The following MGST1 variants were observed in gnomAD, a reference collection of about 807,000 sequenced individuals.
The protein encoded by MGST1 is glutathione S-transferase 12.
Under a neutral mutation model 8.9 loss-of-function variants are expected in MGST1, and 5 were observed. That is an observed-to-expected ratio of 0.56 (90% CI 0.29 to 1.19). The LOEUF is 1.19. MGST1 is among the 50% of genes most tolerant of loss of function. MGST1 has a pLI of 0.08. For missense variants in MGST1, 182 were observed against 187.4 expected, an observed-to-expected ratio of 0.97 and a Z score of 0.17; for synonymous variants, 54 against 67.8, an observed-to-expected ratio of 0.80 and a Z score of 1.00.
At position 16,583,445 on chromosome 12, in the gene MGST1, A is replaced by T. The variant is rs552698131; in HGVS notation, n.483-6083A>T. Among the ~76,000 whole-genome samples the T allele has an allele frequency of 2.6e-5, 4 of 152,364 alleles. No homozygotes were observed. The South Asian group carries it at 8.3e-4, about 32-fold the overall frequency. ...CAGTCAAGTAATTGTAGAAAAGAAG[A>T]TACTAAAGACTGAAGAAAAACAAGT... On this transcript the variant is annotated intron_variant and non_coding_transcript_variant, in intron 4 of 4. Coordinates refer to the MGST1 transcript ENST00000538857.
At position 16,399,284 on chromosome 12, in the gene MGST1, C is replaced by G. The variant is rs531770705; in HGVS notation, n.778+15680C>G. ...GGCCAAAGTTCAGAAGTTACTTCCT[C>G]TTTTTCTTGGGGGGTGCAGAGCTGT... is the stretch of plus-strand genomic sequence containing the variant. On this transcript the variant is annotated intron_variant and non_coding_transcript_variant, in intron 1 of 1. Transcript: ENST00000359720. 4.0e-5 allele frequency: 64 copies of G among 1,605,466 alleles called. No individual in the cohort carries two copies. The African/African-American group carries it at 8.0e-4, about 20-fold the overall frequency.
chr12:16,511,026 G>T (rs969200119), intron 4 of MGST1, among the ~76,000 whole-genome samples: 2 of 152,162 alleles, frequency 1.3e-5, no homozygotes. Flanking sequence ...TTCTACAAAA[G>T]ATAGGCCTAG....
chr12:16,450,746 C>A (rs963190908), intron 4 of MGST1, among the ~76,000 whole-genome samples: 4 of 151,844 alleles, frequency 2.6e-5, no homozygotes, highest in Admixed American at 1.3e-4. Context: ...GCTTTTCCCC[C>A]TTTCTTGAGC....
In MGST1 at chr12:16,544,337, C is replaced by T. The variant is rs1022061168; in HGVS notation, n.483-45191C>T. On this transcript the variant is annotated intron_variant and non_coding_transcript_variant, in intron 4 of 4. Transcript: ENST00000538857. This position sits in a 1 kb window ranked among gnomAD's most constrained non-coding sequence, Gnocchi z 4.8. Reference sequence around the variant, plus strand: ...AAAGCTATGGGTCCACAATTGTACTCAAAAGGGGAAGAGTTAATGTTAATG... The same window carrying T: ...AAAGCTATGGGTCCACAATTGTACTTAAAAGGGGAAGAGTTAATGTTAATG... Among the ~76,000 whole-genome samples the T allele has an allele frequency of 6.6e-6, 1 of 151,270 alleles. No individual in the cohort carries two copies. Among genetic ancestry groups the T allele is most frequent in the South Asian group, 2.1e-4 (1 of 4,798 alleles).
intron 4 of MGST1, among the ~76,000 whole-genome samples, chr12:16,510,801 AG>A (rs1941572220): frequency 6.6e-6 from 1 of 152,218 alleles, no homozygotes; most frequent in Non-Finnish European, 1.5e-5. Context: ...TGACTTAGTC[AG>A]GAAAGTTAAT....
intron 3 of MGST1, among the ~76,000 whole-genome samples, chr12:16,360,979 T>TC (rs1591701252): frequency 2.4e-5 from 3 of 123,824 alleles, no homozygotes; most frequent in Admixed American, 8.0e-5. Flanking sequence ...GTTTATAGTG[T>TC]TCCCCCCCTC....
rs2137328395 is a variant in MGST1 at position 16,560,049 on chromosome 12, T to C, written n.483-29479T>C. Among the ~76,000 whole-genome samples the C allele has an allele frequency of 6.6e-6, 1 of 152,268 alleles. No homozygotes were observed. The highest frequency in any genetic ancestry group is 2.1e-4 in the South Asian group (1 of 4,824). On this transcript the variant is annotated intron_variant and non_coding_transcript_variant, in intron 4 of 4. Coordinates refer to the MGST1 transcript ENST00000538857. The surrounding 1 kb of genome is among the most constrained non-coding windows in gnomAD (Gnocchi z 5.0). ...AAAATACCTGCAACAAATTCCTGTA[T>C]ATTTGCTTCATTGCCAATTTATTTA...
rs548177553 is a variant in MGST1 at position 16,526,838 on chromosome 12, T to C, written n.483-62690T>C. ...TGGAAAAAGTGAGTCATGATGGCTGTAATCCTGGGTCAGAGTCAGGGCTGC... is the reference window on the plus strand; with the variant it reads ...TGGAAAAAGTGAGTCATGATGGCTGCAATCCTGGGTCAGAGTCAGGGCTGC... On this transcript the variant is annotated intron_variant and non_coding_transcript_variant, in intron 4 of 4. Coordinates refer to the MGST1 transcript ENST00000538857. Among the ~76,000 whole-genome samples, 3 of 152,160 alleles carry C rather than the reference T, an allele frequency of 2.0e-5. No homozygotes were observed. In the South Asian group the frequency reaches 6.2e-4, roughly 32 times the overall value.
intron 1 of MGST1, among the ~76,000 whole-genome samples, chr12:16,351,194 A>G (rs529694462): frequency 5.3e-4 from 81 of 152,336 alleles, no homozygotes; most frequent in African/African-American, 1.8e-3. Context: ...AAAAAACTTC[A>G]CACGCTTGCT....
rs569187886 is a variant in MGST1 at position 16,486,928 on chromosome 12, T to A, written n.483-102600T>A. On this transcript the variant is annotated intron_variant and non_coding_transcript_variant, in intron 4 of 4. Transcript: ENST00000538857. Reference sequence around the variant, plus strand: ...ACTCGCATTACAGTTCTTGATCACATCAGAGTGCTCTTCCAGGCCGCGACT... The same window carrying A: ...ACTCGCATTACAGTTCTTGATCACAACAGAGTGCTCTTCCAGGCCGCGACT... Among the ~76,000 whole-genome samples, 3 of 152,308 alleles carry A rather than the reference T, an allele frequency of 2.0e-5. No individual in the cohort carries two copies. In the South Asian group the frequency reaches 6.2e-4, roughly 32 times the overall value.
downstream of MGST1, among the ~76,000 whole-genome samples, chr12:16,379,380 G>C (rs1195588676): frequency 6.6e-6 from 1 of 152,126 alleles, no homozygotes; most frequent in African/African-American, 2.4e-5. Flanking sequence ...TTTGTCAAAG[G>C]CCTTTTCTAC....
intron 4 of MGST1, among the ~76,000 whole-genome samples, chr12:16,510,675 G>A (rs983863530): frequency 9.2e-5 from 14 of 152,268 alleles, no homozygotes; most frequent in Admixed American, 2.6e-4. Context: ...TCCAGAAACC[G>A]TAGTTTTTCT....
At position 16,582,172 on chromosome 12, in the gene MGST1, C is replaced by T. The variant is rs1427951236; in HGVS notation, n.483-7356C>T. ...ATTTAACTGGTTTCTTCCTGTTTCT[C>T]TTTATTTGGAAGTTTTGAAATGGCT... On this transcript the variant is annotated intron_variant and non_coding_transcript_variant, in intron 4 of 4. Coordinates refer to the MGST1 transcript ENST00000538857. The surrounding 1 kb of genome is among the most constrained non-coding windows in gnomAD (Gnocchi z 4.1). 6.6e-6 allele frequency among the ~76,000 whole-genome samples: 1 copy of T among 152,024 alleles called. No individual in the cohort carries two copies. Among genetic ancestry groups the T allele is most frequent in the African/African-American group, 2.4e-5 (1 of 41,392 alleles).
chr12:16,519,182 CT>C (rs1941633341), intron 4 of MGST1, among the ~76,000 whole-genome samples: 1 of 152,128 alleles, frequency 6.6e-6, no homozygotes, highest in Non-Finnish European at 1.5e-5. Context: ...TAAAGCAGAA[CT>C]GGTAATATTT....
rs548942239 is a variant in MGST1, at chr12:16,413,834, A to C, written n.779-23554A>C. 2.0e-5 allele frequency among the ~76,000 whole-genome samples: 3 copies of C among 152,302 alleles called. No individual in the cohort carries two copies. Among genetic ancestry groups the C allele is most frequent in the South Asian group, 4.1e-4 (2 of 4,822 alleles). ...TGGCATCTCCAGCATATAATTTCTG[A>C]CACATTGAAGACTCTTAGCCATTGC... On this transcript the variant is annotated intron_variant and non_coding_transcript_variant, in intron 1 of 1. Coordinates refer to the MGST1 transcript ENST00000359720. The surrounding 1 kb of genome is among the most constrained non-coding windows in gnomAD (Gnocchi z 4.0).
chr12:16,556,416 C>CTA (rs2137290453), intron 4 of MGST1, among the ~76,000 whole-genome samples: 1 of 151,798 alleles, frequency 6.6e-6, no homozygotes, highest in African/African-American at 2.4e-5. Flanking sequence ...CAGAGGAGAT[C>CTA]TATATATAAG....
rs376084224 is a variant in MGST1 at position 16,544,940 on chromosome 12, A to G, written n.483-44588A>G. ...AACCAAGGTTCATATCGTCAATAAC[A>G]CAGATCCTGTAAGTTTAGCAAACAC... On this transcript the variant is annotated intron_variant and non_coding_transcript_variant, in intron 4 of 4. Transcript: ENST00000538857. This position sits in a 1 kb window ranked among gnomAD's most constrained non-coding sequence, Gnocchi z 4.8. Among the ~76,000 whole-genome samples, 1 of 152,088 alleles carries G rather than the reference A, an allele frequency of 6.6e-6. No individual in the cohort carries two copies. The highest frequency in any genetic ancestry group is 2.1e-4 in the South Asian group (1 of 4,828).
At chr12:16,446,684 A>C (rs1163799480) in intron 4 of MGST1, among the ~76,000 whole-genome samples, 1 of 151,784 alleles carries the variant, frequency 6.6e-6, no homozygotes, top group Non-Finnish European at 1.5e-5. Flanking sequence ...TGGCAAACAA[A>C]ATCTCTGTGA....
At chr12:16,399,339 G>C in intron 1 of MGST1, 4 of 1,586,446 alleles carry the variant, frequency 2.5e-6, no homozygotes, top group South Asian at 1.1e-5. Flanking sequence ...ACCACGGTTA[G>C]AGCCATGGCC....
Sources: allele counts gnomAD v4.1 joint callset (sites outside exome capture counted in the v4.1 genomes callset), GRCh38; gene constraint gnomAD v4.1.1; non-coding constraint Gnocchi (gnomAD v3.1); transcripts MANE v1.5; gene names NCBI Gene and HGNC (gene_info 2026-07-23, HGNC 2026-07-21).